The following BAIAP2 variants were observed in gnomAD, a reference collection of about 807,000 sequenced individuals.
BAIAP2 encodes BAR/IMD domain containing adaptor protein 2, also known as BAR/IMD domain-containing adapter protein 2.
BAIAP2 carries 18 observed loss-of-function variants against 63.0 expected under a neutral mutation model. The ratio of observed to expected loss-of-function variants is 0.29; its 90% CI spans 0.20 to 0.42. BAIAP2 has a LOEUF of 0.42. Among genes scored for constraint, BAIAP2 ranks in the 10% least tolerant of loss-of-function variants. The probability of loss-of-function intolerance (pLI) is 1.00; values close to 1 mark genes in which losing one functional copy is unlikely to be tolerated. For missense variants in BAIAP2, 610 were observed against 734.3 expected (o/e 0.83, Z 1.96); for synonymous variants, 386 against 307.6 (o/e 1.25, Z -2.67).
Position 81,116,251 on chromosome 17 carries a change from G to T in BAIAP2, c.*412G>T. Reference sequence around the variant, plus strand: ...CCAGGTGTGATCTGTCCGCCCAAGGGCCAGAAGGCCGGGAGCACGGGGATG... The same window carrying T: ...CCAGGTGTGATCTGTCCGCCCAAGGTCCAGAAGGCCGGGAGCACGGGGATG... On this transcript the variant is annotated 3_prime_UTR_variant, in exon 14 of 14. Transcript: ENST00000428708. 2 of 1,612,808 alleles carry T rather than the reference G, an allele frequency of 1.2e-6. No individual in the cohort carries two copies. Among genetic ancestry groups the T allele is most frequent in the Non-Finnish European group, 1.7e-6 (2 of 1,179,952 alleles).
chr17:81,048,835 C>T lies in BAIAP2; in HGVS notation c.55-4833C>T, dbSNP rs941173934. ...GGGACATCCGTCTCTGTGGACGTCC[C>T]AGCAGGAGGGCAGCCAAGCGTGCGG... On this transcript the variant is annotated intron_variant, in intron 1 of 13. Transcript: ENST00000428708. Among the ~76,000 whole-genome samples, 11 of 152,290 alleles carry T rather than the reference C, an allele frequency of 7.2e-5. No individual in the cohort carries two copies. In the East Asian group the frequency reaches 1.2e-3, roughly 16 times the overall value.
chr17:81,098,185 C>T lies in BAIAP2; in HGVS notation c.490-1743C>T, dbSNP rs1426869612. On this transcript the variant is annotated intron_variant, in intron 6 of 13. Transcript: ENST00000428708. ...GGAACTGTCACTTCCACCTACAGCC[C>T]TGTTGGTCAGGTGAGTCATACAACA... The T allele has an allele frequency of 2.8e-6, 4 of 1,446,418 alleles. No individual in the cohort carries two copies. The South Asian group carries it at 4.2e-5, about 15-fold the overall frequency. 89.6% of individuals were successfully genotyped at this position (1,446,418 alleles called of 1,614,324 possible). A position where few individuals can be genotyped will look rare whatever the true frequency, so the allele number is the denominator to read the frequency against.
chr17:81,109,030 A>G, intron 13 of BAIAP2: 3 of 1,540,122 alleles, frequency 1.9e-6, no homozygotes, highest in East Asian at 2.5e-5. Context: ...GCTGCTCTGA[A>G]GAGCTTCCGC....
At chr17:81,098,935 C>T (rs373296774) in intron 6 of BAIAP2, among the ~76,000 whole-genome samples, 6 of 151,994 alleles carry the variant, frequency 3.9e-5, no homozygotes, top group East Asian at 3.9e-4. Context: ...CCAAAGCTTC[C>T]GCGTTTGTCT....
chr17:81,085,501 G>A (rs1408529947), intron 4 of BAIAP2, 153 bp from the exon 5 acceptor site: 17 of 713,134 alleles, frequency 2.4e-5, no homozygotes, highest in East Asian at 5.4e-5. Context: ...ACGGGCATGC[G>A]GGGCCACAGC....
Position 81,035,219 on chromosome 17 carries a change from C to T in BAIAP2, c.-36C>T. Reference sequence around the variant, plus strand: ...CCGCTGCTGCCGCCGCTTGCGTCCCCCGCTCCGGTCTGTGGTGCAGCCGGG... The same window carrying T: ...CCGCTGCTGCCGCCGCTTGCGTCCCTCGCTCCGGTCTGTGGTGCAGCCGGG... On this transcript the variant is annotated 5_prime_UTR_variant, in exon 1 of 14. Coordinates refer to ENST00000428708, the MANE Select transcript of BAIAP2 (RefSeq NM_001144888.2). The T allele has an allele frequency of 2.0e-6, 3 of 1,467,710 alleles. No homozygotes were observed. Among genetic ancestry groups the T allele is most frequent in the South Asian group, 1.3e-5 (1 of 74,550 alleles). The allele number at this position is 1,467,710 out of a possible 1,614,324, so 90.9% of individuals were successfully genotyped here. A position where few individuals can be genotyped will look rare whatever the true frequency, so the allele number is the denominator to read the frequency against.
chr17:81,039,067 C>T lies in BAIAP2; in HGVS notation c.54+3759C>T, dbSNP rs574305276. Among the ~76,000 whole-genome samples the T allele has an allele frequency of 1.2e-4, 19 of 152,370 alleles. No homozygotes were observed. The South Asian group carries it at 3.7e-3, about 30-fold the overall frequency. Reference sequence around the variant, plus strand: ...GGCCCCCATGGGCACCATCTTGCCGCAGGGTGGCTGGGTCTGCTGTCACTG... The same window carrying T: ...GGCCCCCATGGGCACCATCTTGCCGTAGGGTGGCTGGGTCTGCTGTCACTG... On this transcript the variant is annotated intron_variant, in intron 1 of 13. Transcript: ENST00000428708.
chr17:81,084,005 C>T (rs552317183), intron 3 of BAIAP2: 62 of 152,366 alleles, frequency 4.1e-4, no homozygotes, highest in African/African-American at 1.4e-3. Flanking sequence ...GGCTGCCCCC[C>T]CGCAGGTGGA....
chr17:81,051,800 C>G (rs1030204510), intron 1 of BAIAP2, among the ~76,000 whole-genome samples: 2 of 152,180 alleles, frequency 1.3e-5, no homozygotes, highest in African/African-American at 4.8e-5. Context: ...AGCAATCCTC[C>G]CACCTCAGCC....
At chr17:81,053,015 TTGTG>T (rs2048913085) in intron 1 of BAIAP2, among the ~76,000 whole-genome samples, 2 of 152,156 alleles carry the variant, frequency 1.3e-5, no homozygotes, top group Admixed American at 6.5e-5. Context: ...TGGCTGTTGT[TTGTG>T]TGTGCCTGTT....
intron 6 of BAIAP2, among the ~76,000 whole-genome samples, chr17:81,093,940 C>A (rs1024731018): frequency 2.6e-5 from 4 of 151,298 alleles, no homozygotes; most frequent in Non-Finnish European, 4.4e-5. Flanking sequence ...CCCTCCCCCC[C>A]ACCACCCCCG....
chr17:81,110,208 C>T lies in BAIAP2; in HGVS notation c.1535+1699C>T, dbSNP rs973286935. On this transcript the variant is annotated intron_variant, in intron 13 of 13. Coordinates refer to ENST00000428708, the MANE Select transcript of BAIAP2 (RefSeq NM_001144888.2). ...CCACACACCTCCCCGTGGCCTGGGA[C>T]GTGGCTGGTAGTGTTTGTGTGGGAA... The T allele has an allele frequency of 7.6e-5, 75 of 985,726 alleles. No homozygotes were observed. The South Asian group carries it at 2.6e-3, about 34-fold the overall frequency. The allele number at this position is 985,726 out of a possible 1,614,324, so 61.1% of individuals were successfully genotyped here. A position where few individuals can be genotyped will look rare whatever the true frequency, so the allele number is the denominator to read the frequency against.
In BAIAP2 at chr17:81,104,020, T is replaced by A; in HGVS notation, c.978T>A (p.Pro326=). Residue 326 remains proline, a synonymous_variant, in exon 9 of 14, where the codon CCT becomes CCA. Coordinates refer to ENST00000428708, the MANE Select transcript of BAIAP2 (RefSeq NM_001144888.2). ...RKAAQPKSLS[P]PQSQSKLSDS... is the part of the protein sequence containing the mutation. ...CTGCCCAGCCCAAATCCCTGTCTCC[T>A]CCGCAGTCTCAGAGCAAGCTCAGCG... The A allele has an allele frequency of 1.2e-6, 2 of 1,613,190 alleles. No individual in the cohort carries two copies. Among genetic ancestry groups the A allele is most frequent in the Non-Finnish European group, 1.7e-6 (2 of 1,180,002 alleles).
intron 6 of BAIAP2, among the ~76,000 whole-genome samples, chr17:81,090,174 C>T (rs540762116): frequency 6.6e-6 from 1 of 152,314 alleles, no homozygotes; most frequent in Non-Finnish European, 1.5e-5. Context: ...CTGGCTCTGT[C>T]CCTTATGGGT....
chr17:81,116,418 G>A lies in BAIAP2; in HGVS notation c.*579G>A. Reference sequence around the variant, plus strand: ...CTCTCCTGGGCCCCTCACTCCCACTGGCAATGTCACAAGGGCCTCCCCAGG... The same window carrying A: ...CTCTCCTGGGCCCCTCACTCCCACTAGCAATGTCACAAGGGCCTCCCCAGG... On this transcript the variant is annotated 3_prime_UTR_variant, in exon 14 of 14. Coordinates refer to ENST00000428708, the MANE Select transcript of BAIAP2 (RefSeq NM_001144888.2). 1.4e-6 allele frequency: 2 copies of A among 1,407,734 alleles called. No homozygotes were observed. Among genetic ancestry groups the A allele is most frequent in the South Asian group, 2.6e-5 (2 of 78,400 alleles). The allele number at this position is 1,407,734 out of a possible 1,614,324, so 87.2% of individuals were successfully genotyped here. A position where few individuals can be genotyped will look rare whatever the true frequency, so the allele number is the denominator to read the frequency against.
chr17:81,038,071 A>G (rs2046536818), intron 1 of BAIAP2, among the ~76,000 whole-genome samples: 1 of 152,180 alleles, frequency 6.6e-6, no homozygotes, highest in Admixed American at 6.5e-5. Flanking sequence ...TGGGCCCTGC[A>G]GGTGTTGGGA....
At chr17:81,105,844 G>T in intron 10 of BAIAP2, 1 of 471,896 alleles carries the variant, frequency 2.1e-6, no homozygotes, top group African/African-American at 2.0e-5. Flanking sequence ...GGGTCTGGTG[G>T]GGCCGGCAGC....
At chr17:81,080,525 A>G (rs1251109406) in intron 3 of BAIAP2, among the ~76,000 whole-genome samples, 2 of 152,270 alleles carry the variant, frequency 1.3e-5, no homozygotes, top group Non-Finnish European at 1.5e-5. Flanking sequence ...GCGGGTGGTG[A>G]TGACCGTCAC....
chr17:81,109,947 A>G, intron 13 of BAIAP2: 1 of 985,182 alleles, frequency 1.0e-6, no homozygotes, highest in Non-Finnish European at 1.2e-6. Flanking sequence ...CACGCCCCCC[A>G]CCTGGGGGAA....
Sources: gnomAD v4.1 joint callset for allele counts (sites outside exome capture counted in the v4.1 genomes callset) on GRCh38, gnomAD v4.1.1 for gene constraint, MANE v1.5 for transcripts, NCBI Gene and HGNC (gene_info 2026-07-23, HGNC 2026-07-21) for gene names.